DIO1: variants seen among roughly 807,000 people sequenced by gnomAD.
The protein encoded by DIO1 is iodothyronine deiodinase 1.
In DIO1, 17 loss-of-function variants were observed where a neutral mutation model predicts 25.9. The observed-to-expected ratio is 0.66, with a 90% confidence interval of 0.45 to 0.98. DIO1 has a LOEUF of 0.98. Among genes scored for constraint, DIO1 ranks in the 50% least tolerant of loss-of-function variants. DIO1 has a pLI of 0.00. For missense variants in DIO1, 270 were observed against 310.4 expected, an observed-to-expected ratio of 0.87 and a Z score of 0.98; for synonymous variants, 115 against 114.0, an observed-to-expected ratio of 1.01 and a Z score of -0.05.
Position 53,904,734 on chromosome 1 carries a change from T to C in DIO1, c.406T>C (p.Phe136Leu), listed in dbSNP as rs1450868237. ...TTCATTTATGTTCAAATTTGACCAGTTCAAGAGGCTTATTGAAGACTTTAG... is the reference window on the plus strand; with the variant it reads ...TTCATTTATGTTCAAATTTGACCAGCTCAAGAGGCTTATTGAAGACTTTAG... ...UPSFMFKFDQ[F>L]KRLIEDFSSI... The change falls in exon 2 of 4, where the codon TTC becomes CTC. Residue 136 changes from phenylalanine to leucine, a missense_variant. Phe to Leu is a conservative substitution (Grantham distance 22). Coordinates refer to ENST00000361921, the MANE Select transcript of DIO1 (RefSeq NM_000792.7). The C allele has an allele frequency of 6.2e-7, 1 of 1,613,978 alleles. No individual in the cohort carries two copies. The highest frequency in any genetic ancestry group is 8.5e-7 in the Non-Finnish European group (1 of 1,179,936).
intron 1 of DIO1, among the ~76,000 whole-genome samples, chr1:53,902,028 T>G (rs1651394448): frequency 6.6e-6 from 1 of 152,074 alleles, no homozygotes; most frequent in Non-Finnish European, 1.5e-5. Flanking sequence ...GCCTGCCTGC[T>G]CTGGTCCATC....
Position 53,909,993 on chromosome 1 carries a change from C to T in DIO1, c.744C>T (p.His248=). 11 of 1,614,036 alleles carry T rather than the reference C, an allele frequency of 6.8e-6. No individual in the cohort carries two copies. The highest frequency in any genetic ancestry group is 8.5e-6 in the Non-Finnish European group (10 of 1,179,870). Residue 248 remains histidine (H), a synonymous_variant, in exon 4 of 4, where the codon CAC becomes CAT. Transcript: ENST00000361921. The stretch of plus-strand genomic sequence containing the variant: ...TTCGTGCTGTTCTGGAAAAGCTCCA[C>T]AGTTAATCTGGACAGATACCTCAAT... ...EEVRAVLEKL[H]S
At chr1:53,899,993 C>T (rs990252696) in intron 1 of DIO1, among the ~76,000 whole-genome samples, 3 of 152,170 alleles carry the variant, frequency 2.0e-5, no homozygotes, top group Non-Finnish European at 4.4e-5. Flanking sequence ...AAGCCTGGGC[C>T]TCCTTGTCAC....
At chr1:53,906,844 G>T (rs201656188) in intron 3 of DIO1, among the ~76,000 whole-genome samples, 7 of 152,108 alleles carry the variant, frequency 4.6e-5, no homozygotes, top group African/African-American at 1.4e-4. Flanking sequence ...AGTAGAGACG[G>T]GGTTTCACCA....
At chr1:53,909,422 A>C (rs1050230444) in intron 3 of DIO1, among the ~76,000 whole-genome samples, 1 of 152,308 alleles carries the variant, frequency 6.6e-6, no homozygotes, top group African/African-American at 2.4e-5. Context: ...TCTCAAAAAA[A>C]AAAGAAAAAA....
chr1:53,904,560 G>T (rs1223379565), intron 1 of DIO1, 106 bp from the exon 2 acceptor site: 2 of 1,393,364 alleles, frequency 1.4e-6, no homozygotes, highest in Non-Finnish European at 2.0e-6. Flanking sequence ...GGGGTGGGGG[G>T]TAGGGGGAAA....
chr1:53,906,036 A>G, intron 2 of DIO1, 59 bp from the exon 3 acceptor site: 1 of 1,521,688 alleles, frequency 6.6e-7, no homozygotes, highest in South Asian at 1.1e-5. Context: ...GGGGCTATTT[A>G]GTCTGCAGGA....
intron 3 of DIO1, among the ~76,000 whole-genome samples, chr1:53,909,497 G>A (rs1651831068): frequency 6.6e-6 from 1 of 152,164 alleles, no homozygotes; most frequent in East Asian, 1.9e-4. Flanking sequence ...GGGATAGCTG[G>A]GAGGGGTGGC....
chr1:53,903,731 C>T (rs1651495977), intron 1 of DIO1, among the ~76,000 whole-genome samples: 1 of 151,802 alleles, frequency 6.6e-6, no homozygotes, highest in Non-Finnish European at 1.5e-5. Context: ...CACCTGGAGT[C>T]CCAGCTACTC....
Position 53,906,258 on chromosome 1 carries a change from G to A in DIO1, c.645G>A (p.Arg215=), listed in dbSNP as rs1400873130. ...SSQLYAALPE[R]LYIIQEGRIL... ...AGCTCTACGCAGCACTGCCTGAGAG[G>A]CTCTACATAATCCAGGAGGGCAGGA... Residue 215 remains arginine, a synonymous_variant, in exon 3 of 4, where the codon AGG becomes AGA. Transcript: ENST00000361921. 3.1e-6 allele frequency: 5 copies of A among 1,613,768 alleles called. No homozygotes were observed. The highest frequency in any genetic ancestry group is 1.7e-5 in the Admixed American group (1 of 59,972).
chr1:53,897,882 T>A (rs1299409989), intron 1 of DIO1, among the ~76,000 whole-genome samples: 1 of 152,142 alleles, frequency 6.6e-6, no homozygotes, highest in African/African-American at 2.4e-5. Flanking sequence ...AAATTAAAAA[T>A]TTTTAATGGT....
intron 2 of DIO1, among the ~76,000 whole-genome samples, chr1:53,905,363 CAG>C (rs1417244122): frequency 6.6e-6 from 1 of 151,850 alleles, no homozygotes; most frequent in African/African-American, 2.4e-5. Context: ...TTTGTAGAAA[CAG>C]AGTTTCACCA....
intron 3 of DIO1, among the ~76,000 whole-genome samples, chr1:53,909,375 C>G (rs576194593): frequency 1.3e-5 from 2 of 152,076 alleles, no homozygotes; most frequent in South Asian, 4.1e-4. Context: ...AAGATTGCGC[C>G]ATTGCACTCC....
chr1:53,902,596 G>A (rs1651424508), intron 1 of DIO1, among the ~76,000 whole-genome samples: 1 of 151,844 alleles, frequency 6.6e-6, no homozygotes. Flanking sequence ...CCATGTCACA[G>A]TGCAAGACTA....
In DIO1 at chr1:53,905,951, T is replaced by A. The variant is rs927458627; in HGVS notation, c.482-144T>A. On this transcript the variant is annotated intron_variant, in intron 2 of 3. Coordinates refer to ENST00000361921, the MANE Select transcript of DIO1 (RefSeq NM_000792.7). ...CAATCACTAATTCCTGACGTGACCT[T>A]GCACATTCAACCATAATGGGAAACC... 4 of 716,352 alleles carry A rather than the reference T, an allele frequency of 5.6e-6. No homozygotes were observed. The East Asian group carries it at 1.1e-4, about 19-fold the overall frequency. 44.4% of individuals were successfully genotyped at this position (716,352 alleles called of 1,614,324 possible). A position where few individuals can be genotyped will look rare whatever the true frequency, so the allele number is the denominator to read the frequency against.
chr1:53,904,529 C>T (rs890529000), intron 1 of DIO1, 137 bp from the exon 2 acceptor site: 5 of 1,018,142 alleles, frequency 4.9e-6, no homozygotes, highest in Admixed American at 2.5e-5. Context: ...GTGTCGGACC[C>T]CAGTGCCTAG....
At chr1:53,904,964 C>T in intron 2 of DIO1, 155 bp downstream of exon 2, 1 of 724,284 alleles carries the variant, frequency 1.4e-6, no homozygotes, top group Non-Finnish European at 2.2e-6. Context: ...CTCCCAGGCC[C>T]TGCACTGGGC....
chr1:53,906,121 G>A lies in DIO1; in HGVS notation c.508G>A (p.Asp170Asn), dbSNP rs1211484342. The change falls in exon 3 of 4, where the codon GAC becomes AAC. Residue 170 changes from aspartate to asparagine, a missense_variant. By Grantham distance (23) the Asp-to-Asn change is conservative. Transcript: ENST00000361921. ...SDGWAFKNNM[D>N]IRNHQNLQDR... is the part of the protein sequence containing the mutation. ...TGGCTGGGCTTTTAAGAACAACATG[G>A]ACATCAGAAATCACCAGAACCTTCA... is the stretch of plus-strand genomic sequence containing the variant. The A allele has an allele frequency of 1.2e-6, 2 of 1,614,086 alleles. No homozygotes were observed. Among genetic ancestry groups the A allele is most frequent in the Non-Finnish European group, 1.7e-6 (2 of 1,180,054 alleles).
At chr1:53,906,732 C>A (rs545058094) in intron 3 of DIO1, among the ~76,000 whole-genome samples, 1 of 151,990 alleles carries the variant, frequency 6.6e-6, no homozygotes, top group Non-Finnish European at 1.5e-5. Flanking sequence ...CCTTGGCTCA[C>A]TGCAACCTCC....
Sources: gnomAD v4.1 joint callset for allele counts (sites outside exome capture counted in the v4.1 genomes callset) on GRCh38, gnomAD v4.1.1 for gene constraint, MANE v1.5 for transcripts, NCBI Gene and HGNC (gene_info 2026-07-23, HGNC 2026-07-21) for gene names.